The following STIL variants were observed in gnomAD, a reference collection of about 807,000 sequenced individuals.
STIL encodes the protein STIL centriolar assembly protein.
Under a neutral mutation model 110.1 loss-of-function variants are expected in STIL, and 55 were observed. The ratio of observed to expected loss-of-function variants is 0.50; its 90% CI spans 0.40 to 0.63. The LOEUF is 0.63. Ranked by LOEUF, STIL falls within the 20% of genes least tolerant of loss-of-function variation. The pLI is 0.00. For missense variants in STIL, 1,358 were observed against 1,530.0 expected, an observed-to-expected ratio of 0.89 and a Z score of 1.87; for synonymous variants, 481 against 530.0, an observed-to-expected ratio of 0.91 and a Z score of 1.27.
chr1:47,280,349 G>A lies in STIL; in HGVS notation c.2109C>T (p.Cys703=). 6.2e-7 allele frequency: 1 copy of A among 1,614,224 alleles called. No homozygotes were observed. The highest frequency in any genetic ancestry group is 1.1e-5 in the South Asian group (1 of 91,088). The stretch of plus-strand genomic sequence containing the variant: ...CTGACTCAGTCTTGGGTGTGTGCAT[G>A]CACACTGTGCAAGGCTGTGGGTTAC... ...DLCNPQPCTV[C]MHTPKTESDN... The change falls in exon 12 of 17, where the codon TGC becomes TGT. Residue 703 remains cysteine, a synonymous_variant. Coordinates refer to ENST00000371877, the MANE Select transcript of STIL (RefSeq NM_001048166.1).
chr1:47,276,653 A>T (rs1410459371), intron 12 of STIL, among the ~76,000 whole-genome samples: 1 of 151,680 alleles, frequency 6.6e-6, no homozygotes, highest in African/African-American at 2.4e-5. Context: ...TACTAAAAAT[A>T]CAAAAATTAA....
intron 6 of STIL, among the ~76,000 whole-genome samples, chr1:47,299,480 C>T (rs1645739585): frequency 6.6e-6 from 1 of 150,764 alleles, no homozygotes; most frequent in Non-Finnish European, 1.5e-5. Context: ...GCAACCTCCA[C>T]CTCCCAGGTT....
Position 47,300,105 on chromosome 1 carries a change from C to T in STIL, c.501G>A (p.Lys167=), listed in dbSNP as rs1190373221. Reference sequence around the variant, plus strand: ...TGATATGAACTCTTAGGGAAAGCAGCTTACCACAGTCCAAGGAATCTTTGC... The same window carrying T: ...TGATATGAACTCTTAGGGAAAGCAGTTTACCACAGTCCAAGGAATCTTTGC... ...ICSKDSLDCG[K]LLSLRVHITS... Residue 167 remains lysine, a synonymous_variant, in exon 6 of 17, where the codon AAG becomes AAA. Transcript: ENST00000371877. 2 of 1,614,116 alleles carry T rather than the reference C, an allele frequency of 1.2e-6. No homozygotes were observed. Among genetic ancestry groups the T allele is most frequent in the South Asian group, 1.1e-5 (1 of 91,080 alleles).
At chr1:47,257,090 A>T (rs1408406341) in intron 16 of STIL, among the ~76,000 whole-genome samples, 1 of 152,184 alleles carries the variant, frequency 6.6e-6, no homozygotes, top group African/African-American at 2.4e-5. Flanking sequence ...GGTAAAAAAA[A>T]AGAGCACCTC....
In STIL at chr1:47,301,724, A is replaced by G. The variant is rs886043449; in HGVS notation, c.290T>C (p.Val97Ala). ...TTCTCGACCAGGATCAAAGCGATCTACTGTCAATGTTACACCTTCTTCATC... is the reference window on the plus strand; with the variant it reads ...TTCTCGACCAGGATCAAAGCGATCTGCTGTCAATGTTACACCTTCTTCATC... ...DEDEEGVTLT[V>A]DRFDPGREVP... The change falls in exon 5 of 17, where the codon GTA (valine) becomes GCA (alanine). Residue 97 changes from valine (V) to alanine (A), a missense_variant. By Grantham distance (64) the Val-to-Ala change is moderately conservative (BLOSUM62 0). Coordinates refer to ENST00000371877, the MANE Select transcript of STIL (RefSeq NM_001048166.1). 8 of 1,613,928 alleles carry G rather than the reference A, an allele frequency of 5.0e-6. No individual in the cohort carries two copies. In the African/African-American group the frequency reaches 9.3e-5, roughly 19 times the overall value.
At chr1:47,295,727 T>C in intron 7 of STIL, 38 bp downstream of exon 7, 4 of 1,369,912 alleles carry the variant, frequency 2.9e-6, no homozygotes, top group South Asian at 2.3e-5. Flanking sequence ...ATTTGAACAT[T>C]TGGCTGATAA....
Position 47,251,682 on chromosome 1 carries a change from C to T in STIL, c.3321G>A (p.Gly1107=). The change falls in exon 17 of 17, where the codon GGG becomes GGA. Residue 1107 remains glycine, a synonymous_variant. Transcript: ENST00000371877. ...TGTTGTTTGGTGAAATTAAACTAAG[C>T]CCCACTGTGCTTCTGTCTGTATTAA... is the stretch of plus-strand genomic sequence containing the variant. ...LHINTDRSTV[G]LSLISPNNMS... The T allele has an allele frequency of 2.5e-6, 4 of 1,614,156 alleles. No individual in the cohort carries two copies. Among genetic ancestry groups the T allele is most frequent in the Non-Finnish European group, 3.4e-6 (4 of 1,180,026 alleles).
intron 1 of STIL, among the ~76,000 whole-genome samples, chr1:47,311,283 CT>C (rs536667689): frequency 0.016 from 2,049 of 132,068 alleles, 18 homozygotes; most frequent in African/African-American, 0.043. Context: ...TTCTTTTTTT[CT>C]TTTTTTTTTT....
At chr1:47,281,742 C>T (rs1645163440) in intron 11 of STIL, among the ~76,000 whole-genome samples, 1 of 152,088 alleles carries the variant, frequency 6.6e-6, no homozygotes, top group South Asian at 2.1e-4. Context: ...AAAATACTCG[C>T]TGTGATGAAT....
chr1:47,310,476 TATAG>T lies in STIL; in HGVS notation c.-43-118_-43-115del, dbSNP rs1646091517. On this transcript the variant is annotated intron_variant, in intron 1 of 16. Coordinates refer to ENST00000371877, the MANE Select transcript of STIL (RefSeq NM_001048166.1). ...TTAGATTACTTATATGAAGTGTGAC[TATAG>T]ATTAATAAGATTAAATGCTTGTAGA... 1.5e-5 allele frequency: 9 copies of T among 618,922 alleles called. No homozygotes were observed. The South Asian group carries it at 1.7e-4, about 12-fold the overall frequency. 38.3% of individuals were successfully genotyped at this position (618,922 alleles called of 1,614,324 possible).
Position 47,282,807 on chromosome 1 carries a change from T to C in STIL, c.1134-348A>G, listed in dbSNP as rs923332047. ...CTGTCAAAAAATTTATAATCTAGTA[T>C]TAAAGGTTATTAAACACACTATATT... On this transcript the variant is annotated intron_variant, in intron 10 of 16. Transcript: ENST00000371877. 9 of 253,684 alleles carry C rather than the reference T, an allele frequency of 3.5e-5. No individual in the cohort carries two copies. The Admixed American group carries it at 4.5e-4, about 13-fold the overall frequency. The allele number at this position is 253,684 out of a possible 1,614,324, so 15.7% of individuals were successfully genotyped here.
At chr1:47,310,193 T>TA (rs762187766) in intron 2 of STIL, 83 bp downstream of exon 2, 7 of 1,368,096 alleles carry the variant, frequency 5.1e-6, no homozygotes, top group Non-Finnish European at 7.2e-6. Context: ...TTCTAAAGAT[T>TA]ATATTCTTTT....
At chr1:47,310,528 T>C (rs796447358) in intron 1 of STIL, among the ~76,000 whole-genome samples, 166 bp from the exon 2 acceptor site, 59 of 152,332 alleles carry the variant, frequency 3.9e-4, no homozygotes, top group African/African-American at 1.3e-3. Context: ...TTTTCATACG[T>C]TAGAGTCATT....
intron 2 of STIL, 114 bp downstream of exon 2, chr1:47,310,162 T>C (rs1646080480): frequency 5.0e-6 from 5 of 991,578 alleles, no homozygotes; most frequent in Admixed American, 2.1e-5. Context: ...AGAGCTAGGA[T>C]ATGAACCCAG....
intron 12 of STIL, among the ~76,000 whole-genome samples, chr1:47,275,147 T>TCAACAA (rs35911281): frequency 1.2e-3 from 182 of 149,208 alleles, no homozygotes; most frequent in Middle Eastern, 3.4e-3. Flanking sequence ...CTCTGTCTCA[T>TCAACAA]CAACAACAAC....
rs1557722455 is a variant in STIL, at chr1:47,270,244, AT to A, written c.2384-379del. On this transcript the variant is annotated intron_variant, in intron 13 of 16. Transcript: ENST00000371877. ...CTCTGGCTCAAAAAAAAAAAAAAAT[AT>A]ATATATATATACACACACACACACA... Among the ~76,000 whole-genome samples the A allele has an allele frequency of 9.0e-4, 74 of 82,146 alleles. No individual in the cohort carries two copies. The East Asian group carries it at 0.013, about 14-fold the overall frequency. The allele number at this position is 82,146 out of a possible 152,430, so 53.9% of individuals were successfully genotyped here.
chr1:47,287,090 C>T (rs377115751), intron 10 of STIL, among the ~76,000 whole-genome samples: 74 of 151,932 alleles, frequency 4.9e-4, no homozygotes, highest in Admixed American at 1.8e-3. Flanking sequence ...GGGTTGGGGA[C>T]GATGGTTCAC....
chr1:47,297,055 T>A (rs1645660623), intron 6 of STIL, among the ~76,000 whole-genome samples: 1 of 152,136 alleles, frequency 6.6e-6, no homozygotes, highest in East Asian at 1.9e-4. Flanking sequence ...AAGAATTAGT[T>A]CAGGCTGGCT....
chr1:47,264,550 G>A (rs1228482190), intron 14 of STIL, among the ~76,000 whole-genome samples: 2 of 152,158 alleles, frequency 1.3e-5, no homozygotes, highest in Non-Finnish European at 2.9e-5. Context: ...TCACTGCTGG[G>A]AAAAAGTAAT....
Sources: gnomAD v4.1 joint callset for allele counts (sites outside exome capture counted in the v4.1 genomes callset) on GRCh38, gnomAD v4.1.1 for gene constraint, MANE v1.5 for transcripts, NCBI Gene and HGNC (gene_info 2026-07-23, HGNC 2026-07-21) for gene names.